The following ALKBH1 variants were observed in gnomAD, a reference collection of about 807,000 sequenced individuals.
ALKBH1 encodes alkB homolog 1, histone H2A dioxygenase.
Under a neutral mutation model 36.6 loss-of-function variants are expected in ALKBH1, and 31 were observed. The observed-to-expected ratio is 0.85, with a 90% CI of 0.64 to 1.14. ALKBH1 has a LOEUF of 1.14. ALKBH1 is among the 50% of genes most tolerant of loss of function. The pLI, the probability that ALKBH1 is intolerant of heterozygous loss-of-function variation, is 0.00. For synonymous variants in ALKBH1, 183 were observed against 186.6 expected, an observed-to-expected ratio of 0.98 and a Z score of 0.16; for missense variants, 490 against 497.3, an observed-to-expected ratio of 0.99 and a Z score of 0.14.
intron 2 of ALKBH1, chr14:77,696,890 G>A (rs560871706): frequency 6.5e-6 from 1 of 153,030 alleles, no homozygotes; most frequent in Non-Finnish European, 1.5e-5. Context: ...CAAGCACTGA[G>A]GAAGAGGATT....
intron 3 of ALKBH1, among the ~76,000 whole-genome samples, chr14:77,693,371 T>C (rs931965503): frequency 1.3e-5 from 2 of 152,112 alleles, no homozygotes; most frequent in Non-Finnish European, 2.9e-5. Flanking sequence ...TAATTATCTG[T>C]TTGTAGGTTT....
chr14:77,674,030 T>C lies in ALKBH1; in HGVS notation c.952A>G (p.Met318Val), dbSNP rs757226029. The C allele has an allele frequency of 1.4e-5, 23 of 1,614,048 alleles. No homozygotes were observed. Among genetic ancestry groups the C allele is most frequent in the African/African-American group, 4.0e-5 (3 of 74,902 alleles). Reference sequence around the variant, plus strand: ...TCCTCCATAGAACAAGGCTCTACCATTGAATCTCTCGGGAGGACAGCAGGG... The same window carrying C: ...TCCTCCATAGAACAAGGCTCTACCACTGAATCTCTCGGGAGGACAGCAGGG... ...PLPAVLPRDS[M>V]VEPCSMEDWQ... Residue 318 changes from methionine to valine, a missense_variant, in exon 6 of 6, where the codon ATG becomes GTG. Coordinates refer to ENST00000216489, the MANE Select transcript of ALKBH1 (RefSeq NM_006020.3).
intron 3 of ALKBH1, among the ~76,000 whole-genome samples, chr14:77,690,219 C>CT (rs1283578251): frequency 6.6e-6 from 1 of 151,908 alleles, no homozygotes. Flanking sequence ...AAGGATAGCA[C>CT]TGGAGGTCAA....
chr14:77,704,228 T>C, intron 2 of ALKBH1, 141 bp downstream of exon 2: 1 of 657,194 alleles, frequency 1.5e-6, no homozygotes, highest in Non-Finnish European at 2.7e-6. Flanking sequence ...CAGTCTAGAA[T>C]GGGTTTGGAA....
chr14:77,677,525 C>T (rs1409683563), intron 4 of ALKBH1, among the ~76,000 whole-genome samples: 2 of 152,176 alleles, frequency 1.3e-5, no homozygotes, highest in African/African-American at 4.8e-5. Flanking sequence ...AAATTAACCT[C>T]AAATCTGATC....
Position 77,673,880 on chromosome 14 carries a change from CT to C in ALKBH1, c.1101del (p.Glu368LysfsTer13). The C allele has an allele frequency of 6.2e-7, 1 of 1,614,200 alleles. No homozygotes were observed. The highest frequency in any genetic ancestry group is 1.1e-5 in the South Asian group (1 of 91,086). On this transcript the variant is annotated frameshift_variant, in exon 6 of 6. Transcript: ENST00000216489. LOFTEE classifies it high-confidence loss of function. Reference sequence around the variant, plus strand: ...TGGTCATCCAGATGGCAGAAACCTTCTGTACTGATGTCTCTTTTTTCATCCT... The same window carrying C: ...TGGTCATCCAGATGGCAGAAACCTTCGTACTGATGTCTCTTTTTTCATCCT... ...PIEDEKRDIS[T>X]EGFCHLDDQN...
intron 2 of ALKBH1, among the ~76,000 whole-genome samples, chr14:77,697,928 G>A (rs538982047): frequency 2.1e-4 from 32 of 152,046 alleles, no homozygotes; most frequent in South Asian, 2.1e-3. Flanking sequence ...TGGGAGGATC[G>A]CTTGAACCCA....
intron 4 of ALKBH1, among the ~76,000 whole-genome samples, chr14:77,676,088 C>T (rs991130914): frequency 3.3e-5 from 5 of 151,272 alleles, no homozygotes; most frequent in Admixed American, 2.0e-4. Flanking sequence ...CCTAGACCTC[C>T]TGGGCTCAGT....
chr14:77,683,580 CTTTT>C (rs978083367), intron 3 of ALKBH1: 2 of 453,828 alleles, frequency 4.4e-6, no homozygotes, highest in Non-Finnish European at 8.2e-6. Context: ...CATCATCCTC[CTTTT>C]TTTTTGAGAT....
In ALKBH1 at chr14:77,675,715, T is replaced by C. The variant is rs2080201469; in HGVS notation, c.681A>G (p.Thr227=). The change falls in exon 5 of 6, where the codon ACA becomes ACG. Residue 227 remains threonine (T), a synonymous_variant. Transcript: ENST00000216489. The part of the protein sequence containing the change: ...GILNYYRLDS[T]LGIHVDRSEL... Reference sequence around the variant, plus strand: ...CAGATCTGTCTACGTGGATTCCCAGTGTGGAGTCCAGGCGGTAGTAATTCA... The same window carrying C: ...CAGATCTGTCTACGTGGATTCCCAGCGTGGAGTCCAGGCGGTAGTAATTCA... 3 of 1,614,124 alleles carry C rather than the reference T, an allele frequency of 1.9e-6. No homozygotes were observed. The highest frequency in any genetic ancestry group is 1.1e-5 in the South Asian group (1 of 91,088).
intron 2 of ALKBH1, among the ~76,000 whole-genome samples, chr14:77,702,321 T>A (rs1049754909): frequency 8.6e-5 from 13 of 151,718 alleles, no homozygotes; most frequent in African/African-American, 2.9e-4. Flanking sequence ...AATAAATAAA[T>A]AAAAATAAGT....
chr14:77,690,919 T>C (rs763473899), intron 3 of ALKBH1, among the ~76,000 whole-genome samples: 1 of 152,156 alleles, frequency 6.6e-6, no homozygotes, highest in African/African-American at 2.4e-5. Context: ...CTCCGGCCTC[T>C]GCCTCCTGAG....
At chr14:77,701,589 T>C (rs1044886777) in intron 2 of ALKBH1, among the ~76,000 whole-genome samples, 8 of 152,174 alleles carry the variant, frequency 5.3e-5, no homozygotes, top group Non-Finnish European at 1.0e-4. Flanking sequence ...CAAGAGGATG[T>C]GTCCTCACAC....
chr14:77,684,591 C>A (rs1445769604), intron 3 of ALKBH1, among the ~76,000 whole-genome samples: 2 of 152,122 alleles, frequency 1.3e-5, no homozygotes, highest in Non-Finnish European at 2.9e-5. Context: ...GAATTCTGGA[C>A]CTCAGGTGAT....
At chr14:77,677,964 CT>C (rs2080214831) in intron 4 of ALKBH1, among the ~76,000 whole-genome samples, 1 of 151,550 alleles carries the variant, frequency 6.6e-6, no homozygotes, top group South Asian at 2.1e-4. Context: ...TTAAAGTTCT[CT>C]TTCACTTTTC....
intron 4 of ALKBH1, among the ~76,000 whole-genome samples, chr14:77,676,969 GTC>G (rs1042802895): frequency 2.0e-5 from 3 of 151,678 alleles, no homozygotes; most frequent in East Asian, 3.9e-4. Flanking sequence ...TCCCTGGGCT[GTC>G]TCTGTTTTTT....
chr14:77,698,588 TA>T, intron 2 of ALKBH1, among the ~76,000 whole-genome samples: 1 of 152,336 alleles, frequency 6.6e-6, no homozygotes. Flanking sequence ...AAAAGGATTT[TA>T]AAAACAGATG....
chr14:77,704,433 A>T lies in ALKBH1; in HGVS notation c.228T>A (p.Asn76Lys), dbSNP rs1024317549. 5.0e-6 allele frequency: 8 copies of T among 1,614,030 alleles called. No homozygotes were observed. The highest frequency in any genetic ancestry group is 1.3e-5 in the African/African-American group (1 of 74,916). Residue 76 changes from asparagine (N) to lysine (K), a missense_variant, in exon 2 of 6, where the codon AAT becomes AAA. By Grantham distance (94) the Asn-to-Lys change is moderately conservative. Coordinates refer to ENST00000216489, the MANE Select transcript of ALKBH1 (RefSeq NM_006020.3). Reference sequence around the variant, plus strand: ...CGGGCTGAAGACCTGCTCTATATGCATTCTGCTCACTGACAGAAGACACAT... The same window carrying T: ...CGGGCTGAAGACCTGCTCTATATGCTTTCTGCTCACTGACAGAAGACACAT... ...QLNVSSVSEQNAYRAGLQPVS... is the reference protein window; with the variant it reads ...QLNVSSVSEQKAYRAGLQPVS...
At chr14:77,706,646 C>G (rs1465023464) in intron 1 of ALKBH1, among the ~76,000 whole-genome samples, 1 of 152,176 alleles carries the variant, frequency 6.6e-6, no homozygotes, top group Non-Finnish European at 1.5e-5. Flanking sequence ...ATGGCTCATT[C>G]CCTGATGGCT....
Sources: allele counts gnomAD v4.1 joint callset (sites outside exome capture counted in the v4.1 genomes callset), GRCh38; gene constraint gnomAD v4.1.1; transcripts MANE v1.5; gene names NCBI Gene and HGNC (gene_info 2026-07-23, HGNC 2026-07-21).